ZFYVE28: variants seen among roughly 807,000 people sequenced by gnomAD.
ZFYVE28 encodes the protein lateral signaling target protein 2 homolog.
Under a neutral mutation model 82.1 loss-of-function variants are expected in ZFYVE28, and 40 were observed. That is an observed-to-expected ratio of 0.49 (90% confidence interval 0.38 to 0.63). The LOEUF is 0.63. ZFYVE28 is among the 30% of genes least tolerant of loss of function. The probability of loss-of-function intolerance (pLI) is 0.00; values close to 1 mark genes in which losing one functional copy is unlikely to be tolerated. For missense variants in ZFYVE28, 1,321 were observed against 1,242.1 expected, an observed-to-expected ratio of 1.06 and a Z score of -0.96; for synonymous variants, 612 against 546.1, an observed-to-expected ratio of 1.12 and a Z score of -1.68.
At chr4:2,359,898 C>T (rs939087384) in intron 1 of ZFYVE28, among the ~76,000 whole-genome samples, 4 of 152,170 alleles carry the variant, frequency 2.6e-5, no homozygotes, top group African/African-American at 9.7e-5. Flanking sequence ...TCTGAGGAAG[C>T]TGCTCTTGGG....
chr4:2,330,704 G>A (rs1387880312), intron 6 of ZFYVE28: 5 of 1,458,348 alleles, frequency 3.4e-6, no homozygotes, highest in Admixed American at 4.7e-5. Flanking sequence ...TGGAGCAGAG[G>A]GGACAGCGTG....
intron 8 of ZFYVE28, among the ~76,000 whole-genome samples, chr4:2,283,133 CATTT>C: frequency 6.6e-6 from 1 of 151,670 alleles, no homozygotes; most frequent in South Asian, 2.1e-4. Flanking sequence ...CCCACTCATC[CATTT>C]ACCCATCCAT....
intron 1 of ZFYVE28, among the ~76,000 whole-genome samples, chr4:2,379,199 G>A (rs1560310350): frequency 6.6e-6 from 1 of 152,184 alleles, no homozygotes; most frequent in African/African-American, 2.4e-5. Context: ...GCATTGGGGG[G>A]ACCGCTCCAG....
At position 2,312,316 on chromosome 4, in the gene ZFYVE28, T is replaced by C. The variant is rs538493997; in HGVS notation, c.804-6780A>G. Reference sequence around the variant, plus strand: ...AGTTTGGAAGGCCAAGGCAGGCAGATGGCTCGAGCACAGGAGTTCAAAACC... The same window carrying C: ...AGTTTGGAAGGCCAAGGCAGGCAGACGGCTCGAGCACAGGAGTTCAAAACC... On this transcript the variant is annotated intron_variant, in intron 7 of 12. Transcript: ENST00000290974. 2.0e-5 allele frequency among the ~76,000 whole-genome samples: 3 copies of C among 152,252 alleles called. No homozygotes were observed. The South Asian group carries it at 6.2e-4, about 32-fold the overall frequency.
At chr4:2,367,920 T>G (rs1727058032) in intron 1 of ZFYVE28, among the ~76,000 whole-genome samples, 1 of 152,142 alleles carries the variant, frequency 6.6e-6, no homozygotes, top group Admixed American at 6.5e-5. Context: ...ACATGCCAGG[T>G]GCCCTCCCCT....
chr4:2,373,456 G>A (rs775091335), intron 1 of ZFYVE28, among the ~76,000 whole-genome samples: 32 of 151,990 alleles, frequency 2.1e-4, no homozygotes, highest in South Asian at 2.1e-4. Flanking sequence ...CCATGATCAC[G>A]CCACTGCCAC....
In ZFYVE28 at chr4:2,320,065, A is replaced by G. The variant is rs1718842671; in HGVS notation, c.803+105T>C. The G allele has an allele frequency of 2.9e-6, 3 of 1,042,146 alleles. No individual in the cohort carries two copies. In the South Asian group the frequency reaches 4.3e-5, roughly 15 times the overall value. 64.6% of individuals were successfully genotyped at this position (1,042,146 alleles called of 1,614,324 possible). ...TATTAACCAGCCCATCCTTCCTCACAGAGAGGAGGAGGACCTGGAGGCGGC... is the reference window on the plus strand; with the variant it reads ...TATTAACCAGCCCATCCTTCCTCACGGAGAGGAGGAGGACCTGGAGGCGGC... On this transcript the variant is annotated intron_variant, in intron 7 of 12. Transcript: ENST00000290974. This position sits in a 1 kb window ranked among gnomAD's most constrained non-coding sequence, Gnocchi z 5.1.
chr4:2,322,256 T>A (rs982738756), intron 6 of ZFYVE28, among the ~76,000 whole-genome samples: 2 of 152,028 alleles, frequency 1.3e-5, no homozygotes, highest in African/African-American at 4.8e-5. Flanking sequence ...CATTTGTCTC[T>A]GCACCTGGCC....
chr4:2,281,737 T>A (rs1560133764), intron 8 of ZFYVE28, among the ~76,000 whole-genome samples: 1 of 152,238 alleles, frequency 6.6e-6, no homozygotes, highest in Non-Finnish European at 1.5e-5. Context: ...ACTGTTTGGA[T>A]GCCAGTGGCC....
In ZFYVE28 at chr4:2,401,587, G is replaced by A. The variant is rs151245848; in HGVS notation, c.39+16698C>T. 1.4e-3 allele frequency among the ~76,000 whole-genome samples: 211 copies of A among 152,194 alleles called. 1 individual carries two copies. Among genetic ancestry groups the A allele is most frequent in the African/African-American group, 4.7e-3 (196 of 41,522 alleles). ...TCTGGCTCTGTGAGTTCTGAGCCAAGGAAGAGAGTGTCTACAGAGAGGTTT... is the reference window on the plus strand; with the variant it reads ...TCTGGCTCTGTGAGTTCTGAGCCAAAGAAGAGAGTGTCTACAGAGAGGTTT... On this transcript the variant is annotated intron_variant, in intron 1 of 12. Transcript: ENST00000290974.
chr4:2,397,505 T>G (rs1187572037), intron 1 of ZFYVE28, among the ~76,000 whole-genome samples: 2 of 151,452 alleles, frequency 1.3e-5, no homozygotes, highest in Non-Finnish European at 2.9e-5. Context: ...TTATTCACAT[T>G]GCTGTGCAAC....
chr4:2,390,759 T>C (rs1185203766), intron 1 of ZFYVE28, among the ~76,000 whole-genome samples: 1 of 152,226 alleles, frequency 6.6e-6, no homozygotes, highest in African/African-American at 2.4e-5. Flanking sequence ...GTGTATTGCA[T>C]TTTTAGACGT....
chr4:2,281,953 G>A (rs1712024362), intron 8 of ZFYVE28, among the ~76,000 whole-genome samples: 1 of 152,306 alleles, frequency 6.6e-6, no homozygotes, highest in East Asian at 1.9e-4. Flanking sequence ...GTGAGGAAGG[G>A]AACAGTACGG....
intron 1 of ZFYVE28, among the ~76,000 whole-genome samples, chr4:2,404,861 T>TTC (rs201666739): frequency 2.4e-4 from 33 of 137,566 alleles, no homozygotes; most frequent in South Asian, 9.6e-4. Flanking sequence ...CTCGCTCTTT[T>TTC]TTTTTTTTTT....
At chr4:2,308,692 G>GAA (rs1247533198) in intron 7 of ZFYVE28, among the ~76,000 whole-genome samples, 1 of 96,448 alleles carries the variant, frequency 1.0e-5, no homozygotes, top group African/African-American at 3.9e-5. Flanking sequence ...AGAAAGAAAA[G>GAA]AAAAGAAAAG....
chr4:2,397,551 T>C (rs1730612758), intron 1 of ZFYVE28, among the ~76,000 whole-genome samples: 1 of 151,550 alleles, frequency 6.6e-6, no homozygotes, highest in Non-Finnish European at 1.5e-5. Context: ...CTTTCTCACC[T>C]TCCCAAACTC....
Position 2,320,360 on chromosome 4 carries a change from C to A in ZFYVE28, c.702-89G>T. On this transcript the variant is annotated intron_variant, in intron 6 of 12. Coordinates refer to ENST00000290974, the MANE Select transcript of ZFYVE28 (RefSeq NM_020972.3). The surrounding 1 kb of genome is among the most constrained non-coding windows in gnomAD (Gnocchi z 5.1). Reference sequence around the variant, plus strand: ...CCAACTTAACCACCTGCGAAAACCACGCCCGCTGGGACTCTGCAGCGCCAC... The same window carrying A: ...CCAACTTAACCACCTGCGAAAACCAAGCCCGCTGGGACTCTGCAGCGCCAC... 8.5e-7 allele frequency: 1 copy of A among 1,180,132 alleles called. No individual in the cohort carries two copies. The highest frequency in any genetic ancestry group is 1.4e-5 in the South Asian group (1 of 70,896). 73.1% of individuals were successfully genotyped at this position (1,180,132 alleles called of 1,614,324 possible).
At chr4:2,301,541 G>A (rs1182323689) in intron 8 of ZFYVE28, among the ~76,000 whole-genome samples, 1 of 152,120 alleles carries the variant, frequency 6.6e-6, no homozygotes, top group African/African-American at 2.4e-5. Flanking sequence ...GCTGCATAAG[G>A]CCTGGGAAGC....
chr4:2,280,664 G>A (rs796979765), intron 8 of ZFYVE28, among the ~76,000 whole-genome samples: 7 of 152,154 alleles, frequency 4.6e-5, no homozygotes, highest in Non-Finnish European at 1.0e-4. Context: ...GTCTCATCGC[G>A]GATCAAGTAT....
Sources: allele counts gnomAD v4.1 joint callset (sites outside exome capture counted in the v4.1 genomes callset), GRCh38; gene constraint gnomAD v4.1.1; non-coding constraint Gnocchi (gnomAD v3.1); transcripts MANE v1.5; gene names NCBI Gene and HGNC (gene_info 2026-07-23, HGNC 2026-07-21).